RIMS2: variants seen among roughly 807,000 people sequenced by gnomAD.
RIMS2 encodes the protein regulating synaptic membrane exocytosis protein 2.
RIMS2 carries 59 observed loss-of-function variants against 174.4 expected under a neutral mutation model. That is an observed-to-expected ratio of 0.34 (90% confidence interval 0.27 to 0.42). RIMS2 has a LOEUF of 0.42. Among genes scored for constraint, RIMS2 ranks in the 10% least tolerant of loss-of-function variants. The pLI is 1.00. For missense variants in RIMS2, 1,620 were observed against 1,666.3 expected, an observed-to-expected ratio of 0.97 and a Z score of 0.48; for synonymous variants, 606 against 572.5, an observed-to-expected ratio of 1.06 and a Z score of -0.84.
At chr8:103,874,125 G>T (rs1461000512) in intron 3 of RIMS2, among the ~76,000 whole-genome samples, 2 of 151,732 alleles carry the variant, frequency 1.3e-5, no homozygotes, top group African/African-American at 4.8e-5. Context: ...ACTCCATTTG[G>T]GGAAGGTTCT....
At chr8:104,217,467 C>T (rs957635506) in intron 19 of RIMS2, among the ~76,000 whole-genome samples, 1 of 152,058 alleles carries the variant, frequency 6.6e-6, no homozygotes, top group Admixed American at 6.5e-5. Flanking sequence ...TAAGGTTTCA[C>T]CTTGTTGCCC....
intron 19 of RIMS2, among the ~76,000 whole-genome samples, chr8:104,130,534 C>T (rs1176101642): frequency 6.6e-6 from 1 of 152,136 alleles, no homozygotes. Context: ...CTCCCTGTTT[C>T]TCAAAATGGG....
chr8:103,575,834 C>T (rs1203305633), intron 1 of RIMS2, among the ~76,000 whole-genome samples: 1 of 152,100 alleles, frequency 6.6e-6, no homozygotes, highest in Non-Finnish European at 1.5e-5. Flanking sequence ...ATGCTCCTCC[C>T]CACAATCTGC....
chr8:103,876,864 TTATATA>T lies in RIMS2; in HGVS notation c.699-8393_699-8388del, dbSNP rs199997824. On this transcript the variant is annotated intron_variant, in intron 3 of 23. Coordinates refer to ENST00000504942, the Ensembl canonical transcript of RIMS2. The stretch of plus-strand genomic sequence containing the variant: ...TGTATATATACACACACACACTATT[TTATATA>T]TATATATATATATATATATATATAT... 3.6e-3 allele frequency among the ~76,000 whole-genome samples: 243 copies of T among 68,044 alleles called. 2 individuals are homozygous for T. Among genetic ancestry groups the T allele is most frequent in the East Asian group, 0.012 (19 of 1,554 alleles). The allele number at this position is 68,044 out of a possible 152,430, so 44.6% of individuals were successfully genotyped here.
At chr8:103,937,540 A>G (rs2081547331) in intron 13 of RIMS2, among the ~76,000 whole-genome samples, 1 of 152,220 alleles carries the variant, frequency 6.6e-6, no homozygotes, top group Admixed American at 6.5e-5. Flanking sequence ...AGACACATGA[A>G]TAGCAATTAG....
At chr8:104,179,869 G>T (rs1284357689) in intron 19 of RIMS2, among the ~76,000 whole-genome samples, 5 of 151,626 alleles carry the variant, frequency 3.3e-5, no homozygotes, top group African/African-American at 1.2e-4. Context: ...TACCTCCTCT[G>T]CTTTTATCTC....
chr8:103,620,612 T>C (rs1232183315), intron 1 of RIMS2, among the ~76,000 whole-genome samples: 1 of 152,142 alleles, frequency 6.6e-6, no homozygotes, highest in East Asian at 1.9e-4. Flanking sequence ...GCAAAGAGAA[T>C]GGGCAAAGGA....
rs761124501 is a variant in RIMS2 at position 103,846,455 on chromosome 8, G to GT, written c.699-38837dup. On this transcript the variant is annotated intron_variant, in intron 3 of 23. Transcript: ENST00000504942. ...GACTCTGAATATAAATCCTTCCTCA[G>GT]TTTTTTCTCTTATCTATATACCCCT... is the stretch of plus-strand genomic sequence containing the variant. 2.0e-5 allele frequency among the ~76,000 whole-genome samples: 3 copies of GT among 152,212 alleles called. No homozygotes were observed. In the South Asian group the frequency reaches 6.2e-4, roughly 32 times the overall value.
chr8:103,836,866 T>C (rs187366204), intron 3 of RIMS2, among the ~76,000 whole-genome samples: 105 of 152,336 alleles, frequency 6.9e-4, no homozygotes, highest in Admixed American at 1.8e-3. Flanking sequence ...TTGTATTTTT[T>C]AGTGTTGGCA....
At chr8:103,882,157 T>G (rs878887981) in intron 3 of RIMS2, among the ~76,000 whole-genome samples, 1 of 151,472 alleles carries the variant, frequency 6.6e-6, no homozygotes, top group Non-Finnish European at 1.5e-5. Flanking sequence ...ATCAATGATA[T>G]TGCTTTATCT....
intron 22 of RIMS2, among the ~76,000 whole-genome samples, chr8:104,250,706 G>T (rs2099356294): frequency 6.6e-6 from 1 of 152,136 alleles, no homozygotes; most frequent in Non-Finnish European, 1.5e-5. Context: ...TTTAAGTATT[G>T]ATAAATTAAA....
chr8:103,774,826 T>C (rs1428970557), intron 3 of RIMS2, among the ~76,000 whole-genome samples: 1 of 152,104 alleles, frequency 6.6e-6, no homozygotes, highest in Non-Finnish European at 1.5e-5. Context: ...GATTACTGGG[T>C]GATGTATTTG....
intron 19 of RIMS2, among the ~76,000 whole-genome samples, chr8:104,181,639 T>G (rs1380189855): frequency 1.3e-5 from 2 of 151,694 alleles, no homozygotes; most frequent in African/African-American, 4.8e-5. Flanking sequence ...AAAAGTAATT[T>G]TATTTTAGAT....
intron 1 of RIMS2, among the ~76,000 whole-genome samples, chr8:103,618,823 C>T (rs7015973): frequency 1.3e-5 from 2 of 151,930 alleles, no homozygotes; most frequent in Non-Finnish European, 2.9e-5. Flanking sequence ...TGAGAGTTTT[C>T]TCTGAGGGTA....
At chr8:103,986,686 C>A (rs1490156825) in intron 16 of RIMS2, among the ~76,000 whole-genome samples, 1 of 151,860 alleles carries the variant, frequency 6.6e-6, no homozygotes, top group Non-Finnish European at 1.5e-5. Context: ...GCCTGGCCAA[C>A]CTGGTGAAAC....
intron 19 of RIMS2, among the ~76,000 whole-genome samples, chr8:104,032,428 T>G (rs772726470): frequency 9.2e-5 from 14 of 152,166 alleles, no homozygotes; most frequent in Non-Finnish European, 1.6e-4. Context: ...ACACATTTTT[T>G]TGTGTGAAAA....
At chr8:104,041,031 G>A (rs1437058783) in intron 19 of RIMS2, among the ~76,000 whole-genome samples, 1 of 151,546 alleles carries the variant, frequency 6.6e-6, no homozygotes, top group Non-Finnish European at 1.5e-5. Context: ...CTTCAGCATT[G>A]GTGTTCAGGA....
At chr8:104,085,757 C>A (rs2097526510) in intron 19 of RIMS2, among the ~76,000 whole-genome samples, 1 of 152,034 alleles carries the variant, frequency 6.6e-6, no homozygotes, top group Non-Finnish European at 1.5e-5. Flanking sequence ...AAAGATAATT[C>A]ACAACTTATC....
chr8:104,181,058 A>G (rs1205308415), intron 19 of RIMS2, among the ~76,000 whole-genome samples: 1 of 151,746 alleles, frequency 6.6e-6, no homozygotes, highest in Non-Finnish European at 1.5e-5. Flanking sequence ...TAGTCAAATA[A>G]GTATAGAAGA....
Sources: allele counts gnomAD v4.1 joint callset (sites outside exome capture counted in the v4.1 genomes callset), GRCh38; gene constraint gnomAD v4.1.1; transcripts MANE v1.5; gene names NCBI Gene and HGNC (gene_info 2026-07-23, HGNC 2026-07-21).